Variants in FAM117B observed in about 807,000 individuals in gnomAD.
FAM117B encodes the protein protein FAM117B.
Under a neutral mutation model 52.8 loss-of-function variants are expected in FAM117B, and 22 were observed. The ratio of observed to expected loss-of-function variants is 0.42; its 90% CI spans 0.30 to 0.59. The LOEUF is 0.59. Among genes scored for constraint, FAM117B ranks in the 20% least tolerant of loss-of-function variants. The pLI is 0.22. For synonymous variants in FAM117B, 309 were observed against 324.1 expected (o/e 0.95, Z 0.50); for missense variants, 678 against 802.6 (o/e 0.84, Z 1.88).
At chr2:202,703,384 C>T (rs752146597) in intron 2 of FAM117B, among the ~76,000 whole-genome samples, 26 of 152,140 alleles carry the variant, frequency 1.7e-4, no homozygotes, top group Non-Finnish European at 2.6e-4. Flanking sequence ...TACCTCCTTC[C>T]CTGTGTTGCC....
intron 2 of FAM117B, among the ~76,000 whole-genome samples, chr2:202,709,803 A>G (rs1367972756): frequency 8.5e-5 from 13 of 152,094 alleles, no homozygotes; most frequent in Non-Finnish European, 2.9e-5. Context: ...TCTTGAATCA[A>G]TTTTAAGTTG....
At chr2:202,757,908 ATGTAAAACGT>A (rs958391954) in intron 6 of FAM117B, among the ~76,000 whole-genome samples, 4 of 152,240 alleles carry the variant, frequency 2.6e-5, no homozygotes, top group Non-Finnish European at 4.4e-5. Flanking sequence ...AGCAAGCCTG[ATGTAAAACGT>A]TGGAGGGTAC....
chr2:202,712,419 C>CTTTTTTTTTTT (rs1186703318), intron 2 of FAM117B, among the ~76,000 whole-genome samples: 7 of 89,448 alleles, frequency 7.8e-5, no homozygotes, highest in African/African-American at 1.4e-4. Flanking sequence ...TATCAGCTCT[C>CTTTTTTTTTTT]TTTTTTTTTT....
chr2:202,712,171 A>G (rs1338005602), intron 2 of FAM117B, among the ~76,000 whole-genome samples: 16 of 152,122 alleles, frequency 1.1e-4, no homozygotes, highest in Non-Finnish European at 1.2e-4. Flanking sequence ...CTTTTAATCC[A>G]TGAACATGGG....
At chr2:202,669,450 C>G (rs1690257893) in intron 1 of FAM117B, among the ~76,000 whole-genome samples, 1 of 151,898 alleles carries the variant, frequency 6.6e-6, no homozygotes, top group Admixed American at 6.6e-5. Flanking sequence ...AAAAGATTAG[C>G]TTTGTAAAAT....
At position 202,678,563 on chromosome 2, in the gene FAM117B, G is replaced by GT. The variant is rs531832967; in HGVS notation, c.602-17310dup. ...ATCTCCATGTTTGAGTGGATCCAGT[G>GT]TTTTTTTTATTTTGAGACGGAGTTT... On this transcript the variant is annotated intron_variant, in intron 1 of 7. Coordinates refer to ENST00000392238, the MANE Select transcript of FAM117B (RefSeq NM_173511.4). Among the ~76,000 whole-genome samples the GT allele has an allele frequency of 2.3e-4, 35 of 152,072 alleles. No individual in the cohort carries two copies. In the East Asian group the frequency reaches 4.1e-3, roughly 18 times the overall value.
At chr2:202,648,515 C>G (rs1318025531) in intron 1 of FAM117B, among the ~76,000 whole-genome samples, 1 of 48,382 alleles carries the variant, frequency 2.1e-5, no homozygotes, top group Non-Finnish European at 3.6e-5. Context: ...AGACTCTGTC[C>G]CCACCCCCCC....
rs747907499 is a variant in FAM117B, at chr2:202,700,685, AT to A, written c.753+4672del. ...TTGAAGATGGCTACACTAAACAAGA[AT>A]TTTTTTTTTTTTTTTTTTGAGATGG... is the stretch of plus-strand genomic sequence containing the variant. On this transcript the variant is annotated intron_variant, in intron 2 of 7. Coordinates refer to ENST00000392238, the MANE Select transcript of FAM117B (RefSeq NM_173511.4). Among the ~76,000 whole-genome samples, 1,070 of 138,082 alleles carry A rather than the reference AT, an allele frequency of 7.7e-3. 1 individual carries two copies. Among genetic ancestry groups the A allele is most frequent in the Non-Finnish European group, 0.011 (729 of 63,774 alleles). 90.6% of individuals were successfully genotyped at this position (138,082 alleles called of 152,430 possible). A position where few individuals can be genotyped will look rare whatever the true frequency, so the allele number is the denominator to read the frequency against.
chr2:202,750,544 T>C (rs898501631), intron 4 of FAM117B, among the ~76,000 whole-genome samples: 2 of 152,130 alleles, frequency 1.3e-5, no homozygotes, highest in Non-Finnish European at 2.9e-5. Flanking sequence ...ACTCAACTAC[T>C]GCCTTAGATG....
intron 1 of FAM117B, among the ~76,000 whole-genome samples, chr2:202,686,919 TACAC>T (rs1690549703): frequency 6.6e-6 from 1 of 152,148 alleles, no homozygotes; most frequent in Non-Finnish European, 1.5e-5. Flanking sequence ...TACAATAACA[TACAC>T]ACAGATTTAT....
At chr2:202,688,350 T>C (rs1239259279) in intron 1 of FAM117B, among the ~76,000 whole-genome samples, 1 of 152,198 alleles carries the variant, frequency 6.6e-6, no homozygotes, top group Non-Finnish European at 1.5e-5. Context: ...AGGCAGCCAG[T>C]GTCATCAGAA....
chr2:202,657,237 G>GC (rs1690068031), intron 1 of FAM117B, among the ~76,000 whole-genome samples: 1 of 152,060 alleles, frequency 6.6e-6, no homozygotes, highest in African/African-American at 2.4e-5. Context: ...ACAGGGATGT[G>GC]CCACCAGGCC....
At chr2:202,722,462 G>A (rs939518563) in intron 2 of FAM117B, among the ~76,000 whole-genome samples, 3 of 152,142 alleles carry the variant, frequency 2.0e-5, no homozygotes, top group African/African-American at 4.8e-5. Context: ...AAAATGTGGT[G>A]CATATACACC....
At chr2:202,739,361 TCCTTTTCCTTTTC>T (rs1216606574) in intron 4 of FAM117B, among the ~76,000 whole-genome samples, 2 of 151,996 alleles carry the variant, frequency 1.3e-5, no homozygotes, top group Admixed American at 6.6e-5. Flanking sequence ...TTTCTTCCTT[TCCTTTTCCTTTTC>T]CCTTTTCCTT....
At chr2:202,719,799 ATC>A (rs1691121135) in intron 2 of FAM117B, among the ~76,000 whole-genome samples, 1 of 152,170 alleles carries the variant, frequency 6.6e-6, no homozygotes, top group Admixed American at 6.5e-5. Flanking sequence ...ATATCCTTTA[ATC>A]TAGAGAAGTT....
At chr2:202,668,326 G>A (rs1690240156) in intron 1 of FAM117B, among the ~76,000 whole-genome samples, 1 of 147,916 alleles carries the variant, frequency 6.8e-6, no homozygotes. Flanking sequence ...CTACTTGGGA[G>A]GCTGAGGTGG....
At chr2:202,696,305 T>C (rs1454086683) in intron 2 of FAM117B, among the ~76,000 whole-genome samples, 2 of 152,296 alleles carry the variant, frequency 1.3e-5, no homozygotes, top group East Asian at 3.9e-4. Flanking sequence ...ACTTATTCTT[T>C]ATAAGTTAGT....
chr2:202,715,682 C>T (rs1325109679), intron 2 of FAM117B, among the ~76,000 whole-genome samples: 4 of 152,008 alleles, frequency 2.6e-5, no homozygotes, highest in Non-Finnish European at 4.4e-5. Flanking sequence ...GATGGCATGG[C>T]GGCCGGGCAG....
At chr2:202,753,844 G>A (rs1267541262) in intron 4 of FAM117B, among the ~76,000 whole-genome samples, 1 of 151,870 alleles carries the variant, frequency 6.6e-6, no homozygotes, top group African/African-American at 2.4e-5. Flanking sequence ...ACGCCAGTCA[G>A]AATGGCAATT....
Sources: gnomAD v4.1 joint callset for allele counts (sites outside exome capture counted in the v4.1 genomes callset) on GRCh38, gnomAD v4.1.1 for gene constraint, MANE v1.5 for transcripts, NCBI Gene and HGNC (gene_info 2026-07-23, HGNC 2026-07-21) for gene names.